The following SEMA4D variants were observed in gnomAD, a reference collection of about 807,000 sequenced individuals.
The protein encoded by SEMA4D is semaphorin 4D, also known as semaphorin-4D.
In SEMA4D, 22 loss-of-function variants were observed where a neutral mutation model predicts 74.8. The observed-to-expected ratio is 0.29, with a 90% CI of 0.21 to 0.42. SEMA4D has a LOEUF of 0.42. SEMA4D is among the 10% of genes least tolerant of loss of function. The pLI is 1.00. For synonymous variants in SEMA4D, 445 were observed against 463.7 expected (o/e 0.96, Z 0.52); for missense variants, 937 against 1,118.4 (o/e 0.84, Z 2.31).
rs1342167336 is a variant in SEMA4D at position 89,378,801 on chromosome 9, T to C, written c.2492A>G (p.Glu831Gly). ...AAGGTCGTCGATCCTCTGTGAGTCC[T>C]CCCTATCCGTGGGGACTTTGCTGGT... ...TITSKVPTDR[E>G]DSQRIDDLSA... The change falls in exon 16 of 16, where the codon GAG becomes GGG. Residue 831 changes from glutamate to glycine, a missense_variant. Transcript: ENST00000422704. 2 of 1,614,186 alleles carry C rather than the reference T, an allele frequency of 1.2e-6. No individual in the cohort carries two copies. The highest frequency in any genetic ancestry group is 2.2e-5 in the East Asian group (1 of 44,872).
chr9:89,468,064 T>C (rs1463483337), intron 1 of SEMA4D, among the ~76,000 whole-genome samples: 1 of 152,124 alleles, frequency 6.6e-6, no homozygotes, highest in Non-Finnish European at 1.5e-5. Flanking sequence ...AAGACTAGGG[T>C]AGTCGTGGTG....
In SEMA4D at chr9:89,498,025, AG is replaced by A; in HGVS notation, c.-417del. ...GCGGCGGGAGGCGGCCGGGCCGGGG[AG>A]GGGGTGGCGGGGAGGCCCGGCGGCG... On this transcript the variant is annotated 5_prime_UTR_variant, in exon 1 of 16. Coordinates refer to ENST00000422704, the MANE Select transcript of SEMA4D (RefSeq NM_001371194.2). The A allele has an allele frequency of 6.9e-6, 1 of 145,468 alleles. No individual in the cohort carries two copies. The highest frequency in any genetic ancestry group is 6.8e-5 in the Admixed American group (1 of 14,666). The allele number at this position is 145,468 out of a possible 1,614,324, so 9.0% of individuals were successfully genotyped here.
chr9:89,362,422 A>T (rs748202544), exon 19 of SEMA4D: 13 of 1,613,914 alleles, frequency 8.1e-6, no homozygotes, highest in Middle Eastern at 1.6e-4. Context: ...TCCTTGCTAC[A>T]GCTTTCCTGA....
chr9:89,363,337 GC>G, intron 18 of SEMA4D: 1 of 1,557,526 alleles, frequency 6.4e-7, no homozygotes, highest in Non-Finnish European at 8.6e-7. Flanking sequence ...TGGGGTCCAT[GC>G]TGAATGGGGC....
chr9:89,428,580 GCCTGCTCAAGGTCACGGA>G (rs1171084506), intron 2 of SEMA4D, among the ~76,000 whole-genome samples: 6 of 15,870 alleles, frequency 3.8e-4, no homozygotes, highest in African/African-American at 2.2e-3. Flanking sequence ...CAGGCATGGA[GCCTGCTCAAGGTCACGGA>G]GCCTGCTCAA....
At position 89,441,711 on chromosome 9, in the gene SEMA4D, C is replaced by CCT. The variant is rs368112549; in HGVS notation, c.-244+14175_-244+14176dup. Among the ~76,000 whole-genome samples the CCT allele has an allele frequency of 2.4e-3, 365 of 152,312 alleles. 3 individuals carry two copies. The highest frequency in any genetic ancestry group is 8.3e-3 in the African/African-American group (347 of 41,566). On this transcript the variant is annotated intron_variant, in intron 2 of 15. Coordinates refer to ENST00000422704, the MANE Select transcript of SEMA4D (RefSeq NM_001371194.2). ...CTTTGTCCCTGGGTGTCCTCAGTAC[C>CCT]CTCTTTGTCATTTCAGCCCCAATAC... is the stretch of plus-strand genomic sequence containing the variant.
rs1564501468 is a variant in SEMA4D, at chr9:89,371,911, G to GGTGTGTGGGGTGTGGT, written c.1882+4906_1882+4921dup. On this transcript the variant is annotated intron_variant, in intron 16 of 18. Coordinates refer to the SEMA4D transcript ENST00000339861. ...GGTGTCTGGGGTGTGGTATGTGTGT[G>GGTGTGTGGGGTGTGGT]GTGTGTGGGGTGTGGTGTGTGTGGG... 5.1e-4 allele frequency among the ~76,000 whole-genome samples: 4 copies of GGTGTGTGGGGTGTGGT among 7,882 alleles called. 2 individuals are homozygous for GGTGTGTGGGGTGTGGT. The highest frequency in any genetic ancestry group is 1.2e-3 in the African/African-American group (2 of 1,630). 5.2% of individuals were successfully genotyped at this position (7,882 alleles called of 152,430 possible). A position where few individuals can be genotyped will look rare whatever the true frequency, so the allele number is the denominator to read the frequency against.
chr9:89,418,924 C>T (rs530971561), intron 2 of SEMA4D: 3 of 152,198 alleles, frequency 2.0e-5, no homozygotes, highest in South Asian at 4.1e-4. Flanking sequence ...TATATGATCA[C>T]GGCTCTTTTT....
Position 89,377,263 on chromosome 9 carries a change from G to C in SEMA4D, c.*1441C>G. The C allele has an allele frequency of 1.5e-6, 1 of 651,612 alleles. No homozygotes were observed. Among genetic ancestry groups the C allele is most frequent in the Non-Finnish European group, 2.4e-6 (1 of 425,458 alleles). The allele number at this position is 651,612 out of a possible 1,614,324, so 40.4% of individuals were successfully genotyped here. Reference sequence around the variant, plus strand: ...AGGATAGAAGCTTCTCATTTATTTGGGTACTTTCCAAATGTATACAATTCA... The same window carrying C: ...AGGATAGAAGCTTCTCATTTATTTGCGTACTTTCCAAATGTATACAATTCA... On this transcript the variant is annotated 3_prime_UTR_variant, in exon 16 of 16. Transcript: ENST00000422704.
chr9:89,443,861 A>C (rs1852227045), intron 2 of SEMA4D, among the ~76,000 whole-genome samples: 1 of 152,192 alleles, frequency 6.6e-6, no homozygotes, highest in South Asian at 2.1e-4. Flanking sequence ...GCATTTGGAG[A>C]CTGCGAGGTG....
chr9:89,413,469 T>C (rs1330839449), intron 2 of SEMA4D, among the ~76,000 whole-genome samples: 1 of 152,292 alleles, frequency 6.6e-6, no homozygotes, highest in Non-Finnish European at 1.5e-5. Context: ...TGTATGCATC[T>C]GTGTATGTGC....
chr9:89,471,964 A>G (rs965313335), intron 1 of SEMA4D, among the ~76,000 whole-genome samples: 19 of 151,664 alleles, frequency 1.3e-4, no homozygotes, highest in Non-Finnish European at 2.5e-4. Flanking sequence ...TCAGGTGCAT[A>G]TAGGCTGAGG....
intron 2 of SEMA4D, among the ~76,000 whole-genome samples, chr9:89,439,527 AT>A (rs1260415729): frequency 6.6e-6 from 1 of 152,236 alleles, no homozygotes; most frequent in Non-Finnish European, 1.5e-5. Context: ...GGAAAGAAGC[AT>A]TTCTTCTATG....
At chr9:89,432,514 C>G (rs922187250) in intron 2 of SEMA4D, among the ~76,000 whole-genome samples, 1 of 152,196 alleles carries the variant, frequency 6.6e-6, no homozygotes, top group Non-Finnish European at 1.5e-5. Context: ...CTCTGAGTGC[C>G]CTGTCTCTAT....
At chr9:89,418,464 T>A (rs918226965) in intron 2 of SEMA4D, 7 of 974,046 alleles carry the variant, frequency 7.2e-6, no homozygotes, top group African/African-American at 3.5e-5. Flanking sequence ...TACTATCTAA[T>A]TGTCTATTAG....
intron 1 of SEMA4D, among the ~76,000 whole-genome samples, chr9:89,491,866 G>GC: frequency 6.6e-6 from 1 of 152,206 alleles, no homozygotes; most frequent in Admixed American, 6.5e-5. Context: ...GCATCTGTGG[G>GC]CCCCGGGGCC....
chr9:89,450,791 C>A, intron 2 of SEMA4D: 1 of 855,490 alleles, frequency 1.2e-6, no homozygotes, highest in Non-Finnish European at 1.8e-6. Flanking sequence ...GCTCCTGCCT[C>A]ATCCCCTTCC....
chr9:89,362,917 C>A (rs1047831033), intron 18 of SEMA4D, among the ~76,000 whole-genome samples: 4 of 152,138 alleles, frequency 2.6e-5, no homozygotes, highest in Admixed American at 6.5e-5. Flanking sequence ...AGACAGGGAG[C>A]CTCTAGGGAG....
intron 1 of SEMA4D, among the ~76,000 whole-genome samples, chr9:89,476,155 G>A (rs889361773): frequency 3.3e-5 from 5 of 152,200 alleles, no homozygotes; most frequent in South Asian, 2.1e-4. Flanking sequence ...ATGCTGGCCC[G>A]ATGATCTCTG....
Sources: gnomAD v4.1 joint callset for allele counts (sites outside exome capture counted in the v4.1 genomes callset) on GRCh38, gnomAD v4.1.1 for gene constraint, MANE v1.5 for transcripts, NCBI Gene and HGNC (gene_info 2026-07-23, HGNC 2026-07-21) for gene names.